The following ASB3 variants were observed in gnomAD, a reference collection of about 807,000 sequenced individuals.
ASB3 encodes the protein ankyrin repeat and SOCS box protein 3.
In ASB3, 41 loss-of-function variants were observed where a neutral mutation model predicts 54.5. The observed-to-expected ratio is 0.75, with a 90% CI of 0.59 to 0.98. The LOEUF (loss-of-function observed/expected upper bound fraction) is 0.98. Ranked by LOEUF, ASB3 falls within the 50% of genes least tolerant of loss-of-function variation. The pLI is 0.00. For synonymous variants in ASB3, 266 were observed against 221.2 expected, an observed-to-expected ratio of 1.20 and a Z score of -1.80; for missense variants, 733 against 620.0, an observed-to-expected ratio of 1.18 and a Z score of -1.94.
At chr2:53,690,560 G>A (rs571469949) in intron 9 of ASB3, among the ~76,000 whole-genome samples, 11 of 152,144 alleles carry the variant, frequency 7.2e-5, no homozygotes, top group Admixed American at 4.6e-4. Context: ...CTGAGGAATG[G>A]GTTTATTTTA....
chr2:53,687,684 T>C (rs1360586557), intron 9 of ASB3, among the ~76,000 whole-genome samples: 1 of 152,036 alleles, frequency 6.6e-6, no homozygotes, highest in African/African-American at 2.4e-5. Context: ...TTATTGAACA[T>C]GTCCTTTAAA....
At chr2:53,723,558 T>C (rs1243113042) in intron 5 of ASB3, among the ~76,000 whole-genome samples, 2 of 152,124 alleles carry the variant, frequency 1.3e-5, no homozygotes, top group Non-Finnish European at 2.9e-5. Flanking sequence ...ACCGACACCA[T>C]TTTTTACAGA....
intron 3 of ASB3, among the ~76,000 whole-genome samples, chr2:53,734,238 GTTTGTTCCTCATA>G (rs1312256988): frequency 3.3e-5 from 5 of 152,160 alleles, no homozygotes; most frequent in Non-Finnish European, 7.3e-5. Context: ...CCACTTCGCA[GTTTGTTCCTCATA>G]TTGTCTCTTC....
At chr2:53,700,815 A>C (rs905451006) in intron 7 of ASB3, among the ~76,000 whole-genome samples, 1 of 152,338 alleles carries the variant, frequency 6.6e-6, no homozygotes, top group Middle Eastern at 3.4e-3. Flanking sequence ...CAGAAAACTC[A>C]AATTGTGATA....
At chr2:53,686,728 C>T (rs6761774) in intron 9 of ASB3, among the ~76,000 whole-genome samples, 152,168 of 152,180 alleles carry the variant, frequency 1, 76,078 homozygotes, top group Middle Eastern at 1. Context: ...TATTTATTTT[C>T]TGAGAGAGAC....
At chr2:53,709,406 G>C (rs1669966454) in intron 7 of ASB3, among the ~76,000 whole-genome samples, 1 of 152,226 alleles carries the variant, frequency 6.6e-6, no homozygotes, top group African/African-American at 2.4e-5. Context: ...AAAAAGCCTA[G>C]ATGCCCAGCA....
At chr2:53,677,496 A>T (rs4361164) in intron 9 of ASB3, among the ~76,000 whole-genome samples, 19,200 of 151,540 alleles carry the variant, frequency 0.13, 1,618 homozygotes, top group African/African-American at 0.24. Flanking sequence ...GGTTTTTTTT[A>T]AAAAAAAACT....
intron 3 of ASB3, among the ~76,000 whole-genome samples, chr2:53,747,385 A>C (rs1672283917): frequency 6.6e-6 from 1 of 152,140 alleles, no homozygotes; most frequent in South Asian, 2.1e-4. Flanking sequence ...ATCTCTACTA[A>C]AAATATAAAA....
intron 2 of ASB3, among the ~76,000 whole-genome samples, chr2:53,753,959 T>G (rs1472784791): frequency 6.6e-6 from 1 of 152,094 alleles, no homozygotes; most frequent in Non-Finnish European, 1.5e-5. Flanking sequence ...TGGTTTTCAC[T>G]ATCATTCTCC....
intron 9 of ASB3, among the ~76,000 whole-genome samples, chr2:53,680,391 C>A (rs990376870): frequency 3.3e-5 from 5 of 152,146 alleles, no homozygotes; most frequent in South Asian, 2.1e-4. Context: ...TTCTATGCAA[C>A]CTCGCCAGCA....
intron 7 of ASB3, among the ~76,000 whole-genome samples, chr2:53,706,548 C>A (rs1263578333): frequency 6.6e-6 from 1 of 152,028 alleles, no homozygotes; most frequent in East Asian, 1.9e-4. Flanking sequence ...CCGGTTCACG[C>A]CATTCTACCG....
chr2:53,760,302 A>C (rs886438216), intron 2 of ASB3, among the ~76,000 whole-genome samples: 4 of 152,232 alleles, frequency 2.6e-5, no homozygotes, highest in African/African-American at 9.6e-5. Context: ...AATACCTATC[A>C]AACATCAGGA....
intron 1 of ASB3, among the ~76,000 whole-genome samples, chr2:53,776,823 A>C (rs527743615): frequency 3.3e-4 from 51 of 152,264 alleles, no homozygotes; most frequent in African/African-American, 1.1e-3. Context: ...TGTCTCAAAA[A>C]ACTAAAATAA....
chr2:53,751,064 T>C, intron 2 of ASB3, 123 bp from the exon 3 acceptor site: 1 of 1,173,400 alleles, frequency 8.5e-7, no homozygotes, highest in South Asian at 3.2e-5. Flanking sequence ...AAATGACAGG[T>C]TTCACCATTT....
chr2:53,738,964 A>T (rs1185100773), intron 3 of ASB3, among the ~76,000 whole-genome samples: 1 of 152,214 alleles, frequency 6.6e-6, no homozygotes, highest in Non-Finnish European at 1.5e-5. Context: ...GACTCCAAAC[A>T]GGTAGAAGAG....
chr2:53,690,472 T>C (rs2103713763), intron 9 of ASB3, among the ~76,000 whole-genome samples: 1 of 152,200 alleles, frequency 6.6e-6, no homozygotes, highest in South Asian at 2.1e-4. Flanking sequence ...CAACAGTCCA[T>C]GTAAAAGAAA....
At chr2:53,781,958 T>G (rs1674673327) in intron 1 of ASB3, among the ~76,000 whole-genome samples, 1 of 152,200 alleles carries the variant, frequency 6.6e-6, no homozygotes, top group Non-Finnish European at 1.5e-5. Flanking sequence ...AAGTACTGGC[T>G]GGGTGCCATG....
chr2:53,734,952 C>G (rs1353547494), intron 3 of ASB3, among the ~76,000 whole-genome samples: 1 of 127,092 alleles, frequency 7.9e-6, no homozygotes, highest in South Asian at 2.5e-4. Context: ...TGGAGTCTTG[C>G]TCTGTTGCCC....
At chr2:53,684,263 C>T (rs1668524826) in intron 9 of ASB3, among the ~76,000 whole-genome samples, 1 of 152,214 alleles carries the variant, frequency 6.6e-6, no homozygotes, top group Admixed American at 6.5e-5. Flanking sequence ...CACTAACTAA[C>T]ACTACAGAGT....
Sources: gnomAD v4.1 joint callset for allele counts (sites outside exome capture counted in the v4.1 genomes callset) on GRCh38, gnomAD v4.1.1 for gene constraint, MANE v1.5 for transcripts, NCBI Gene and HGNC (gene_info 2026-07-23, HGNC 2026-07-21) for gene names.